The following PTPRD variants were observed in gnomAD, a reference collection of about 807,000 sequenced individuals.
PTPRD encodes the protein receptor-type tyrosine-protein phosphatase delta.
PTPRD carries 34 observed loss-of-function variants against 214.5 expected under a neutral mutation model. The observed-to-expected ratio is 0.16, with a 90% CI of 0.12 to 0.21. The LOEUF is 0.21. PTPRD is among the 10% of genes least tolerant of loss of function. The pLI, the probability that PTPRD is intolerant of heterozygous loss-of-function variation, is 1.00. For missense variants in PTPRD, 2,545 were observed against 2,398.7 expected (o/e 1.06, Z -1.27); for synonymous variants, 1,128 against 845.7 (o/e 1.33, Z -5.79).
intron 11 of PTPRD, among the ~76,000 whole-genome samples, chr9:8,819,601 C>T (rs901407838): frequency 6.6e-6 from 1 of 152,082 alleles, no homozygotes; most frequent in African/African-American, 2.4e-5. Flanking sequence ...GCAGAGGTTG[C>T]AGTGAGCCAA....
At chr9:8,497,531 C>T (rs1423072748) in intron 25 of PTPRD, among the ~76,000 whole-genome samples, 1 of 152,126 alleles carries the variant, frequency 6.6e-6, no homozygotes, top group Admixed American at 6.5e-5. Context: ...AGCAATGAGG[C>T]ACAGAAAAAG....
intron 12 of PTPRD, among the ~76,000 whole-genome samples, chr9:8,680,176 G>T (rs2097524448): frequency 6.6e-6 from 1 of 151,794 alleles, no homozygotes. Context: ...GAGAAATAAA[G>T]GAAAGAATGA....
chr9:10,462,949 G>GTA (rs1398784964), intron 2 of PTPRD, among the ~76,000 whole-genome samples: 2 of 149,728 alleles, frequency 1.3e-5, no homozygotes, highest in African/African-American at 4.9e-5. Flanking sequence ...CAGAGAGTGT[G>GTA]TATATATACA....
intron 3 of PTPRD, among the ~76,000 whole-genome samples, chr9:10,313,472 G>A (rs1043909755): frequency 2.0e-4 from 30 of 151,172 alleles, no homozygotes; most frequent in African/African-American, 6.6e-4. Context: ...ACTTCACAGT[G>A]CTACTAGAAT....
chr9:9,696,097 A>G (rs1240869777), intron 7 of PTPRD, among the ~76,000 whole-genome samples: 1 of 151,976 alleles, frequency 6.6e-6, no homozygotes, highest in African/African-American at 2.4e-5. Flanking sequence ...CCAGTTTTCT[A>G]TTTCTTCAAG....
chr9:8,341,831 G>A lies in PTPRD; in HGVS notation c.4809C>T (p.Ile1603=), dbSNP rs1467910420. The A allele has an allele frequency of 6.2e-7, 1 of 1,613,536 alleles. No homozygotes were observed. The highest frequency in any genetic ancestry group is 1.1e-5 in the South Asian group (1 of 91,056). ...NYMVQTEDQY[I]FIHDALLEAV... ...CTTCTAACAGTGCATCATGGATAAA[G>A]ATGTATTGGTCTTCTGTTTGAACCA... Residue 1603 remains isoleucine, a synonymous_variant, in exon 40 of 46, where the codon ATC becomes ATT. Transcript: ENST00000381196.
chr9:10,003,587 A>G (rs999737847), intron 4 of PTPRD, among the ~76,000 whole-genome samples: 1 of 151,794 alleles, frequency 6.6e-6, no homozygotes, highest in African/African-American at 2.4e-5. Context: ...ACTTATTCCA[A>G]TGATAAATCT....
At chr9:9,957,914 C>T (rs1267453608) in intron 4 of PTPRD, among the ~76,000 whole-genome samples, 1 of 151,770 alleles carries the variant, frequency 6.6e-6, no homozygotes, top group Non-Finnish European at 1.5e-5. Flanking sequence ...AGCCCAGAAT[C>T]AGACCCACAT....
chr9:9,224,178 C>T (rs1257649467), intron 9 of PTPRD, among the ~76,000 whole-genome samples: 4 of 151,902 alleles, frequency 2.6e-5, no homozygotes, highest in African/African-American at 9.7e-5. Context: ...CAGTGACTCC[C>T]TCAGATCCCA....
At chr9:9,220,319 T>TTTTTTTTTA (rs1555012243) in intron 9 of PTPRD, among the ~76,000 whole-genome samples, 12 of 148,546 alleles carry the variant, frequency 8.1e-5, no homozygotes, top group Admixed American at 6.7e-4. Context: ...GCTTTTTTTT[T>TTTTTTTTTA]AAAAGCACTA....
At chr9:10,527,329 AAAT>A (rs2134466795) in intron 2 of PTPRD, among the ~76,000 whole-genome samples, 1 of 152,250 alleles carries the variant, frequency 6.6e-6, no homozygotes, top group South Asian at 2.1e-4. Context: ...CGTCTCAAAC[AAAT>A]GAGATAAGAG....
chr9:9,888,863 C>G (rs1217115801), intron 5 of PTPRD, among the ~76,000 whole-genome samples: 1 of 152,040 alleles, frequency 6.6e-6, no homozygotes, highest in Non-Finnish European at 1.5e-5. Context: ...TTTCATTGAG[C>G]CAGCACCAAA....
Position 10,141,734 on chromosome 9 carries a change from A to T in PTPRD, c.-544-107944T>A, listed in dbSNP as rs975719165. 1.9e-3 allele frequency among the ~76,000 whole-genome samples: 287 copies of T among 152,266 alleles called. 3 individuals are homozygous for T. The highest frequency in any genetic ancestry group is 5.8e-3 in the African/African-American group (241 of 41,542). On this transcript the variant is annotated intron_variant, in intron 3 of 45. Coordinates refer to ENST00000381196, the MANE Select transcript of PTPRD (RefSeq NM_002839.4). ...TCAAGCTAACAATGACTTTCTTCAC[A>T]GAATTGGAAAAAACTACTTTAAAGT...
intron 12 of PTPRD, among the ~76,000 whole-genome samples, chr9:8,677,648 T>C (rs553458101): frequency 6.6e-6 from 1 of 152,166 alleles, no homozygotes; most frequent in Non-Finnish European, 1.5e-5. Context: ...TCTGCACATG[T>C]ACCCCTGAAA....
chr9:8,829,017 T>C (rs191670906), intron 11 of PTPRD, among the ~76,000 whole-genome samples: 11 of 152,232 alleles, frequency 7.2e-5, no homozygotes, highest in Admixed American at 6.5e-4. Flanking sequence ...ATCTATCATA[T>C]GCATCCATTT....
chr9:9,977,085 G>A (rs60457253), intron 4 of PTPRD, among the ~76,000 whole-genome samples: 1 of 152,210 alleles, frequency 6.6e-6, no homozygotes, highest in East Asian at 1.9e-4. Flanking sequence ...ATAAAATTCA[G>A]ATGTCAACCT....
rs148129605 is a variant in PTPRD at position 9,478,812 on chromosome 9, C to G, written c.-236-81330G>C. ...GTTAAAGATGCTGCTCGAGTTTAAT[C>G]CTCAGAATTCTGCTCTGTTGGAGGT... On this transcript the variant is annotated intron_variant, in intron 8 of 45. Transcript: ENST00000381196. Among the ~76,000 whole-genome samples, 1,404 of 152,272 alleles carry G rather than the reference C, an allele frequency of 9.2e-3. 17 individuals are homozygous for G. The highest frequency in any genetic ancestry group is 0.03 in the African/African-American group (1,244 of 41,562).
At chr9:8,780,606 A>T (rs1282993854) in intron 11 of PTPRD, among the ~76,000 whole-genome samples, 1 of 152,182 alleles carries the variant, frequency 6.6e-6, no homozygotes, top group East Asian at 1.9e-4. Context: ...AGGTACCCGA[A>T]GCAACCCCAG....
chr9:8,726,585 AAAAATATATATATATAT>A (rs2098564447), intron 12 of PTPRD, among the ~76,000 whole-genome samples: 1 of 18,582 alleles, frequency 5.4e-5, no homozygotes, highest in African/African-American at 2.1e-4. Flanking sequence ...AAAAAAAAAA[AAAAATATATATATATAT>A]ATATATATAT....
Sources: gnomAD v4.1 joint callset for allele counts (sites outside exome capture counted in the v4.1 genomes callset) on GRCh38, gnomAD v4.1.1 for gene constraint, MANE v1.5 for transcripts, NCBI Gene and HGNC (gene_info 2026-07-23, HGNC 2026-07-21) for gene names.